MTUS2: variants seen among roughly 807,000 people sequenced by gnomAD.
MTUS2 encodes the protein microtubule-associated tumor suppressor candidate 2.
Under a neutral mutation model 114.1 loss-of-function variants are expected in MTUS2, and 40 were observed. That is an observed-to-expected ratio of 0.35 (90% CI 0.27 to 0.46). MTUS2 has a LOEUF of 0.46. MTUS2 is among the 20% of genes least tolerant of loss of function. MTUS2 has a pLI of 1.00. For synonymous variants in MTUS2, 688 were observed against 672.0 expected (o/e 1.02, Z -0.37); for missense variants, 1,679 against 1,705.4 (o/e 0.98, Z 0.27).
chr13:28,822,473 G>A (rs1031230346), intron 1 of MTUS2, among the ~76,000 whole-genome samples: 4 of 152,216 alleles, frequency 2.6e-5, no homozygotes, highest in African/African-American at 9.6e-5. Context: ...GGGGATTGAT[G>A]TAATAGAAGA....
chr13:29,200,521 GTTT>G lies in MTUS2; in HGVS notation c.2645-81169_2645-81167del, dbSNP rs56965083. Among the ~76,000 whole-genome samples the G allele has an allele frequency of 3.0e-4, 26 of 85,418 alleles. 1 individual carries two copies. Among genetic ancestry groups the G allele is most frequent in the African/African-American group, 1.1e-3 (23 of 20,218 alleles). The allele number at this position is 85,418 out of a possible 152,430, so 56.0% of individuals were successfully genotyped here. A position where few individuals can be genotyped will look rare whatever the true frequency, so the allele number is the denominator to read the frequency against. On this transcript the variant is annotated intron_variant, in intron 5 of 15. Transcript: ENST00000612955. The stretch of plus-strand genomic sequence containing the variant: ...TGGTTTTGAGTGAGTTTCTTTTTCT[GTTT>G]TTTTTTTTTTTTTGAGATGGAGTTT...
chr13:28,991,821 G>T (rs917120653), intron 2 of MTUS2, among the ~76,000 whole-genome samples: 1 of 152,172 alleles, frequency 6.6e-6, no homozygotes, highest in Non-Finnish European at 1.5e-5. Flanking sequence ...CACCCAGGTA[G>T]TAGAGACATC....
intron 8 of MTUS2, among the ~76,000 whole-genome samples, chr13:29,422,659 T>C (rs1040932382): frequency 4.9e-5 from 7 of 142,064 alleles, no homozygotes; most frequent in African/African-American, 1.6e-4. Flanking sequence ...TTTTTTTTTT[T>C]TTTTTTTTTT....
intron 9 of MTUS2, among the ~76,000 whole-genome samples, chr13:29,440,419 G>A (rs753209972): frequency 1.8e-4 from 27 of 152,118 alleles, no homozygotes; most frequent in Non-Finnish European, 2.8e-4. Flanking sequence ...CTACCCTGTC[G>A]TGAAATACTC....
chr13:29,136,987 G>C (rs1892005507), intron 5 of MTUS2, among the ~76,000 whole-genome samples: 1 of 152,200 alleles, frequency 6.6e-6, no homozygotes, highest in Non-Finnish European at 1.5e-5. Flanking sequence ...TTTAGTGTCT[G>C]CTGAAGAATT....
intron 10 of MTUS2, among the ~76,000 whole-genome samples, chr13:29,486,896 C>A (rs1007771598): frequency 6.6e-6 from 1 of 152,064 alleles, no homozygotes; most frequent in Non-Finnish European, 1.5e-5. Context: ...AGGGAGAGGT[C>A]GTTTTAGACA....
chr13:29,328,208 A>G (rs1428567729), intron 7 of MTUS2, among the ~76,000 whole-genome samples: 2 of 152,176 alleles, frequency 1.3e-5, no homozygotes, highest in African/African-American at 4.8e-5. Flanking sequence ...AATACATTTG[A>G]TAATAGAAAA....
chr13:29,453,143 C>A (rs9508462), intron 9 of MTUS2, among the ~76,000 whole-genome samples: 132,719 of 152,184 alleles, frequency 0.87, 58,842 homozygotes, highest in East Asian at 1. Flanking sequence ...TTTGTAAGAT[C>A]TAAATTGGTG....
chr13:29,025,907 A>T lies in MTUS2; in HGVS notation c.1209A>T (p.Leu403Phe). ...CCCCCAAACAGGGCTCTGCTTCCTTAGGAGGGGCTGATAATCAGCCCACTG... is the reference window on the plus strand; with the variant it reads ...CCCCCAAACAGGGCTCTGCTTCCTTTGGAGGGGCTGATAATCAGCCCACTG... ...HTTPKQGSAS[L>F]GGADNQPTGK... is the part of the protein sequence containing the mutation. Residue 403 changes from leucine to phenylalanine, a missense_variant, in exon 3 of 16, where the codon TTA becomes TTT. By Grantham distance (22) the Leu-to-Phe change is conservative. This residue lies in a region of MTUS2 where 843 missense variants were observed against 770.8 expected (regional missense o/e 1.09). Transcript: ENST00000612955. The T allele has an allele frequency of 6.2e-7, 1 of 1,613,730 alleles. No homozygotes were observed.
At chr13:29,186,813 T>C (rs1000828766) in intron 5 of MTUS2, among the ~76,000 whole-genome samples, 3 of 152,128 alleles carry the variant, frequency 2.0e-5, no homozygotes, top group African/African-American at 7.2e-5. Flanking sequence ...AGAAACAGAA[T>C]GCACATTATT....
intron 7 of MTUS2, among the ~76,000 whole-genome samples, chr13:29,354,102 A>T (rs1054613998): frequency 6.6e-6 from 1 of 152,190 alleles, no homozygotes; most frequent in Non-Finnish European, 1.5e-5. Flanking sequence ...TCCCTGCATC[A>T]CAGTTTGAAA....
intron 1 of MTUS2, among the ~76,000 whole-genome samples, chr13:28,821,285 C>A (rs900711833): frequency 6.6e-6 from 1 of 151,870 alleles, no homozygotes; most frequent in African/African-American, 2.4e-5. Context: ...TAATATAGGA[C>A]CCTATATTAA....
At chr13:28,879,074 G>C (rs1042802314) in intron 2 of MTUS2, among the ~76,000 whole-genome samples, 1 of 152,176 alleles carries the variant, frequency 6.6e-6, no homozygotes, top group East Asian at 1.9e-4. Flanking sequence ...TTTCTCTGGT[G>C]ATCAATGATG....
chr13:28,868,142 T>C (rs749234261), intron 2 of MTUS2, among the ~76,000 whole-genome samples: 2 of 152,240 alleles, frequency 1.3e-5, no homozygotes, highest in Non-Finnish European at 2.9e-5. Context: ...TCAGCAGCAC[T>C]TTCTCACCAA....
At chr13:28,972,004 A>G (rs563992351) in intron 2 of MTUS2, among the ~76,000 whole-genome samples, 1 of 152,358 alleles carries the variant, frequency 6.6e-6, no homozygotes. Flanking sequence ...AAACAAACAT[A>G]TGATTTATGG....
At chr13:28,925,578 T>C (rs1188908246) in intron 2 of MTUS2, among the ~76,000 whole-genome samples, 1 of 152,226 alleles carries the variant, frequency 6.6e-6, no homozygotes, top group Non-Finnish European at 1.5e-5. Flanking sequence ...TGTGGAGTGG[T>C]CACATTGGTG....
At chr13:29,435,623 T>C (rs1333307267) in intron 8 of MTUS2, among the ~76,000 whole-genome samples, 1 of 152,198 alleles carries the variant, frequency 6.6e-6, no homozygotes, top group African/African-American at 2.4e-5. Context: ...AAATGGAAGA[T>C]TCCTTTAAGT....
intron 8 of MTUS2, among the ~76,000 whole-genome samples, chr13:29,393,241 A>C (rs1041086959): frequency 1.3e-5 from 2 of 152,240 alleles, no homozygotes; most frequent in Non-Finnish European, 2.9e-5. Flanking sequence ...ACTGCTGGGC[A>C]ACCTCTGATC....
chr13:29,416,082 A>ATTTTTTTTT (rs139281629), intron 8 of MTUS2, among the ~76,000 whole-genome samples: 4 of 127,734 alleles, frequency 3.1e-5, no homozygotes, highest in African/African-American at 5.9e-5. Flanking sequence ...CACCCCACTA[A>ATTTTTTTTT]TTTTTTTTTT....
Sources: allele counts gnomAD v4.1 joint callset (sites outside exome capture counted in the v4.1 genomes callset), GRCh38; gene constraint gnomAD v4.1.1; regional missense constraint gnomAD v4.1.1; transcripts MANE v1.5; gene names NCBI Gene and HGNC (gene_info 2026-07-23, HGNC 2026-07-21).